Variants in CEMIP2 observed in about 807,000 individuals in gnomAD.
CEMIP2 encodes cell migration inducing hyaluronidase 2.
CEMIP2 carries 79 observed loss-of-function variants against 146.9 expected under a neutral mutation model. The observed-to-expected ratio is 0.54, with a 90% CI of 0.45 to 0.65. The LOEUF (loss-of-function observed/expected upper bound fraction) is 0.65. Ranked by LOEUF, CEMIP2 falls within the 30% of genes least tolerant of loss-of-function variation. CEMIP2 has a pLI of 0.00. For missense variants in CEMIP2, 1,596 were observed against 1,696.2 expected (o/e 0.94, Z 1.04); for synonymous variants, 601 against 606.3 (o/e 0.99, Z 0.13).
chr9:71,722,441 C>G lies in CEMIP2; in HGVS notation c.2253G>C (p.Leu751Phe), dbSNP rs745884417. ...GCCAGCTTTACCTTGCACTATTGTCCAAACAGAGGTATTCCCTTGGGTCAG... is the reference window on the plus strand; with the variant it reads ...GCCAGCTTTACCTTGCACTATTGTCGAAACAGAGGTATTCCCTTGGGTCAG... ...SAADPREYLC[L>F]DNSARFRPHQ... is the part of the protein sequence containing the mutation. Residue 751 changes from leucine to phenylalanine, a missense_variant, in exon 12 of 24, where the codon TTG becomes TTC. Physicochemically the swap from Leu to Phe is conservative, Grantham distance 22 (BLOSUM62 0). Transcript: ENST00000377044. 1.2e-6 allele frequency: 2 copies of G among 1,613,128 alleles called. No homozygotes were observed. The highest frequency in any genetic ancestry group is 1.7e-6 in the Non-Finnish European group (2 of 1,179,660).
chr9:71,765,295 A>G (rs1464683439), intron 1 of CEMIP2, among the ~76,000 whole-genome samples: 1 of 152,232 alleles, frequency 6.6e-6, no homozygotes, highest in African/African-American at 2.4e-5. Context: ...TATAGCTTTA[A>G]AAAACTTTTG....
intron 20 of CEMIP2, 91 bp from the exon 21 acceptor site, chr9:71,694,698 T>G: frequency 1.3e-6 from 1 of 795,308 alleles, no homozygotes. Flanking sequence ...TTAAAGCCAG[T>G]GGTTGTATTT....
chr9:71,729,810 A>G, intron 10 of CEMIP2, 35 bp downstream of exon 10: 1 of 1,597,966 alleles, frequency 6.3e-7, no homozygotes, highest in Non-Finnish European at 8.6e-7. Flanking sequence ...CAAGAAAAAC[A>G]TTAAAACATC....
At position 71,704,742 on chromosome 9, in the gene CEMIP2, G is replaced by A. The variant is rs375145196; in HGVS notation, c.3047C>T (p.Pro1016Leu). Residue 1016 changes from proline (P) to leucine (L), a missense_variant, in exon 18 of 24, where the codon CCG becomes CTG. Physicochemically the swap from Pro to Leu is moderately conservative, Grantham distance 98. Transcript: ENST00000377044. Reference sequence around the variant, plus strand: ...ACCTCGGAGCACCATAGGGTTGGACGGATACTCATCTCGTGTAATGGTCAT... The same window carrying A: ...ACCTCGGAGCACCATAGGGTTGGACAGATACTCATCTCGTGTAATGGTCAT... The part of the protein sequence containing the change: ...LSMTITRDEY[P>L]SNPMVLRGIN... 36 of 1,614,134 alleles carry A rather than the reference G, an allele frequency of 2.2e-5. No homozygotes were observed. In the Middle Eastern group the frequency reaches 4.9e-4, roughly 22 times the overall value.
chr9:71,722,584 A>G (rs1823265620), intron 11 of CEMIP2, 69 bp from the exon 12 acceptor site: 1 of 1,258,410 alleles, frequency 7.9e-7, no homozygotes. Context: ...ACAATGATTC[A>G]TGAAAATAGA....
intron 21 of CEMIP2, among the ~76,000 whole-genome samples, chr9:71,691,309 A>G (rs1822219227): frequency 1.4e-5 from 2 of 140,168 alleles, no homozygotes; most frequent in African/African-American, 5.8e-5. Context: ...GATCCCAGCT[A>G]CTTGGGAGTG....
chr9:71,713,436 A>AT (rs199504225), intron 15 of CEMIP2, among the ~76,000 whole-genome samples: 1,770 of 152,194 alleles, frequency 0.012, 34 homozygotes, highest in African/African-American at 0.039. Context: ...CTTTCTTTTG[A>AT]TTTTAAATTG....
intron 15 of CEMIP2, 89 bp downstream of exon 15, chr9:71,714,845 C>A: frequency 1.4e-6 from 2 of 1,383,546 alleles, no homozygotes; most frequent in East Asian, 2.4e-5. Flanking sequence ...AGGAACCAAT[C>A]CATCCAGGAT....
chr9:71,730,118 T>C lies in CEMIP2; in HGVS notation c.1909A>G (p.Asn637Asp). Reference sequence around the variant, plus strand: ...TCTCGCATGGTGGTACACATGGAGTTGTTCCTATCGGTGGGCAGGAGAGTA... The same window carrying C: ...TCTCGCATGGTGGTACACATGGAGTCGTTCCTATCGGTGGGCAGGAGAGTA... ...PGTLLPTDRNNSMCTTMRDKV... is the reference protein window; with the variant it reads ...PGTLLPTDRNDSMCTTMRDKV... Residue 637 changes from asparagine to aspartate, a missense_variant, in exon 9 of 24, where the codon AAC becomes GAC. Asn to Asp is a conservative substitution (Grantham distance 23, BLOSUM62 1). Coordinates refer to ENST00000377044, the MANE Select transcript of CEMIP2 (RefSeq NM_013390.3). 2 of 1,614,174 alleles carry C rather than the reference T, an allele frequency of 1.2e-6. No homozygotes were observed. The highest frequency in any genetic ancestry group is 1.7e-6 in the Non-Finnish European group (2 of 1,180,042).
chr9:71,685,722 T>G (rs1213420637), intron 23 of CEMIP2, 21 bp downstream of exon 23: 2 of 1,595,066 alleles, frequency 1.3e-6, no homozygotes, highest in East Asian at 4.5e-5. Context: ...AAGAACTTCA[T>G]GAAATAATAC....
chr9:71,709,199 C>T (rs1313577756), intron 17 of CEMIP2, 60 bp downstream of exon 17: 2 of 1,508,516 alleles, frequency 1.3e-6, no homozygotes, highest in East Asian at 2.3e-5. Flanking sequence ...GTACTTCTCA[C>T]AGAAGCAGTG....
Position 71,714,988 on chromosome 9 carries a change from T to C in CEMIP2, c.2537A>G (p.Lys846Arg). Residue 846 changes from lysine to arginine, a missense_variant, in exon 15 of 24, where the codon AAG becomes AGG. Lys to Arg is a conservative substitution (Grantham distance 26). Transcript: ENST00000377044. ...GTCTATTCCTCCAGTGCCTACATAC[T>C]TGTTCTGACCACCCTGAAAGCCGTA... ...RNYGFQGGQNKYVGTGGIDQK... is the reference protein window; with the variant it reads ...RNYGFQGGQNRYVGTGGIDQK... The C allele has an allele frequency of 6.2e-7, 1 of 1,614,018 alleles. No homozygotes were observed. The highest frequency in any genetic ancestry group is 8.5e-7 in the Non-Finnish European group (1 of 1,179,950).
At chr9:71,722,644 A>G (rs921172662) in intron 11 of CEMIP2, 129 bp from the exon 12 acceptor site, 12 of 593,024 alleles carry the variant, frequency 2.0e-5, no homozygotes, top group Non-Finnish European at 3.1e-5. Flanking sequence ...AATCAACAGC[A>G]AAGGTACTGT....
chr9:71,722,209 A>G (rs529490379), intron 12 of CEMIP2, among the ~76,000 whole-genome samples: 1 of 152,314 alleles, frequency 6.6e-6, no homozygotes, highest in Admixed American at 6.5e-5. Flanking sequence ...AGCAATGAAA[A>G]AGGAGAAAAA....
At chr9:71,767,829 G>A (rs949419623) in intron 1 of CEMIP2, among the ~76,000 whole-genome samples, 1 of 152,158 alleles carries the variant, frequency 6.6e-6, no homozygotes, top group African/African-American at 2.4e-5. Context: ...GCGGAGGGCG[G>A]AGGACCCACC....
intron 7 of CEMIP2, 37 bp downstream of exon 7, chr9:71,732,314 C>T (rs904913005): frequency 6.6e-7 from 1 of 1,526,088 alleles, no homozygotes; most frequent in Non-Finnish European, 8.8e-7. Flanking sequence ...ATTTAGCAAC[C>T]AGGATTTCAA....
intron 12 of CEMIP2, among the ~76,000 whole-genome samples, chr9:71,719,822 C>A: frequency 9.6e-6 from 1 of 104,696 alleles, no homozygotes; most frequent in Admixed American, 1.4e-4. Context: ...GGAACGGAGA[C>A]ATACTGTTCT....
intron 4 of CEMIP2, among the ~76,000 whole-genome samples, chr9:71,743,643 C>A (rs1169002793): frequency 6.6e-6 from 1 of 152,172 alleles, no homozygotes; most frequent in Non-Finnish European, 1.5e-5. Flanking sequence ...TGCAGCATGT[C>A]TCACTGTATG....
upstream of CEMIP2, chr9:71,768,880 G>A (rs1326563523): frequency 1.3e-5 from 2 of 148,828 alleles, no homozygotes; most frequent in African/African-American, 4.9e-5. Context: ...GGCTCGGCTG[G>A]GCCGGGAACT....
Sources: allele counts gnomAD v4.1 joint callset (sites outside exome capture counted in the v4.1 genomes callset), GRCh38; gene constraint gnomAD v4.1.1; transcripts MANE v1.5; gene names NCBI Gene and HGNC (gene_info 2026-07-23, HGNC 2026-07-21).